The following LRRTM3 variants were observed in gnomAD, a reference collection of about 807,000 sequenced individuals.
LRRTM3 encodes leucine rich repeat transmembrane neuronal 3.
A neutral mutation model predicts 44.7 loss-of-function variants in LRRTM3; 24 were observed. The ratio of observed to expected loss-of-function variants is 0.54; its 90% CI spans 0.39 to 0.76. The LOEUF (loss-of-function observed/expected upper bound fraction) is 0.76, where lower values mean the gene tolerates loss of function less well. Among genes scored for constraint, LRRTM3 ranks in the 30% least tolerant of loss-of-function variants. LRRTM3 has a pLI of 0.00. For synonymous variants in LRRTM3, 277 were observed against 278.7 expected (o/e 0.99, Z 0.06); for missense variants, 587 against 702.2 (o/e 0.84, Z 1.85).
At chr10:66,964,842 G>A (rs1849314074) in intron 2 of LRRTM3, among the ~76,000 whole-genome samples, 1 of 152,078 alleles carries the variant, frequency 6.6e-6, no homozygotes. Context: ...GAGCTTCATC[G>A]CTCACAGAAA....
intron 2 of LRRTM3, among the ~76,000 whole-genome samples, chr10:67,070,998 T>C (rs1469601973): frequency 1.3e-5 from 2 of 152,204 alleles, no homozygotes; most frequent in Non-Finnish European, 1.5e-5. Flanking sequence ...GTTGGTTCTA[T>C]ATAATTATTA....
intron 2 of LRRTM3, among the ~76,000 whole-genome samples, chr10:66,945,495 G>A (rs1484815531): frequency 1.3e-5 from 2 of 152,120 alleles, no homozygotes; most frequent in African/African-American, 4.8e-5. Flanking sequence ...GAATGTTGTG[G>A]ATGGTTTGAT....
chr10:67,072,142 T>C (rs796724653), intron 2 of LRRTM3, among the ~76,000 whole-genome samples: 1 of 152,064 alleles, frequency 6.6e-6, no homozygotes, highest in Middle Eastern at 3.2e-3. Context: ...TTAGTAGAGA[T>C]GGCTTTTTGC....
chr10:67,079,709 G>A lies in LRRTM3; in HGVS notation c.1537-17878G>A, dbSNP rs191436424. Among the ~76,000 whole-genome samples, 11 of 152,106 alleles carry A rather than the reference G, an allele frequency of 7.2e-5. No homozygotes were observed. The East Asian group carries it at 1.2e-3, about 16-fold the overall frequency. The stretch of plus-strand genomic sequence containing the variant: ...CTAAAAATGCAAAAACTAGCCAGGC[G>A]TGGTGGCGGGCACCTGTAATCCCAG... On this transcript the variant is annotated intron_variant, in intron 2 of 2. Coordinates refer to ENST00000361320, the MANE Select transcript of LRRTM3 (RefSeq NM_178011.5).
chr10:66,941,117 G>A (rs1847973315), intron 2 of LRRTM3, among the ~76,000 whole-genome samples: 1 of 152,164 alleles, frequency 6.6e-6, no homozygotes. Flanking sequence ...ACTTTACAAG[G>A]CAGACAGCTA....
At chr10:66,934,349 A>G (rs927564874) in intron 2 of LRRTM3, among the ~76,000 whole-genome samples, 3 of 152,024 alleles carry the variant, frequency 2.0e-5, no homozygotes, top group Non-Finnish European at 4.4e-5. Flanking sequence ...TGTTCTCCTT[A>G]TTTGAAAGAG....
At chr10:67,001,103 C>A (rs1205596190) in intron 2 of LRRTM3, among the ~76,000 whole-genome samples, 1 of 151,652 alleles carries the variant, frequency 6.6e-6, no homozygotes, top group Non-Finnish European at 1.5e-5. Flanking sequence ...GAGATCGAGA[C>A]CATCCTGGCC....
chr10:67,072,120 T>A, intron 2 of LRRTM3, among the ~76,000 whole-genome samples: 1 of 152,044 alleles, frequency 6.6e-6, no homozygotes, highest in Non-Finnish European at 1.5e-5. Context: ...GCCCAGCTAA[T>A]TTTTTGTATT....
rs116404237 is a variant in LRRTM3 at position 66,983,140 on chromosome 10, T to A, written c.1536+54688T>A. Among the ~76,000 whole-genome samples the A allele has an allele frequency of 9.7e-3, 1,480 of 152,296 alleles. 34 individuals are homozygous for A. The highest frequency in any genetic ancestry group is 0.034 in the African/African-American group (1,405 of 41,560). ...AAAGTCAGCAGGACTTAAAAACTAA[T>A]GAGCAAATTTTTTTATTATTATTTT... On this transcript the variant is annotated intron_variant, in intron 2 of 2. Transcript: ENST00000361320.
chr10:66,941,103 A>T (rs1414414866), intron 2 of LRRTM3, among the ~76,000 whole-genome samples: 3 of 152,220 alleles, frequency 2.0e-5, no homozygotes, highest in Non-Finnish European at 2.9e-5. Context: ...TTATCCAGGG[A>T]GGTACTTTAC....
At chr10:66,969,263 T>C (rs918326746) in intron 2 of LRRTM3, among the ~76,000 whole-genome samples, 8 of 152,120 alleles carry the variant, frequency 5.3e-5, no homozygotes, top group African/African-American at 1.9e-4. Flanking sequence ...TGTGAAATGA[T>C]ACTGTATATC....
chr10:66,941,598 G>A (rs574667180), intron 2 of LRRTM3, among the ~76,000 whole-genome samples: 1 of 152,110 alleles, frequency 6.6e-6, no homozygotes, highest in Non-Finnish European at 1.5e-5. Context: ...GGCCATAAAA[G>A]CTATTTGTCA....
intron 2 of LRRTM3, among the ~76,000 whole-genome samples, chr10:67,062,050 G>T (rs560139087): frequency 6.6e-6 from 1 of 152,198 alleles, no homozygotes; most frequent in African/African-American, 2.4e-5. Flanking sequence ...AGAACAGATA[G>T]GAAGGGGAGG....
At chr10:67,007,529 C>T (rs1428568183) in intron 2 of LRRTM3, among the ~76,000 whole-genome samples, 1 of 151,722 alleles carries the variant, frequency 6.6e-6, no homozygotes, top group Admixed American at 6.6e-5. Context: ...GCCACTGAAA[C>T]TTTAATTAGG....
intron 1 of LRRTM3, 41 bp downstream of exon 1, chr10:66,926,628 A>G: frequency 3.7e-6 from 6 of 1,606,578 alleles, no homozygotes; most frequent in Non-Finnish European, 5.1e-6. Flanking sequence ...TTAAAAACAA[A>G]AAACAAAAAA....
At chr10:67,052,187 G>A (rs1855141252) in intron 2 of LRRTM3, among the ~76,000 whole-genome samples, 1 of 152,032 alleles carries the variant, frequency 6.6e-6, no homozygotes. Context: ...CCTTATCTGT[G>A]GTACCAGCCA....
intron 2 of LRRTM3, among the ~76,000 whole-genome samples, chr10:67,092,733 T>G (rs891282169): frequency 6.6e-6 from 1 of 152,008 alleles, no homozygotes; most frequent in Non-Finnish European, 1.5e-5. Context: ...ACCATCTAAC[T>G]TTGTACTTTT....
At chr10:67,044,381 T>C (rs1854597456) in intron 2 of LRRTM3, among the ~76,000 whole-genome samples, 3 of 152,294 alleles carry the variant, frequency 2.0e-5, no homozygotes, top group East Asian at 1.9e-4. Flanking sequence ...CACTATAATA[T>C]GGAAATAGAG....
chr10:66,977,606 A>G (rs1040363745), intron 2 of LRRTM3, among the ~76,000 whole-genome samples: 1 of 152,196 alleles, frequency 6.6e-6, no homozygotes, highest in African/African-American at 2.4e-5. Flanking sequence ...CAGCATTCCT[A>G]TCTAAAGAGC....
Sources: allele counts gnomAD v4.1 joint callset (sites outside exome capture counted in the v4.1 genomes callset), GRCh38; gene constraint gnomAD v4.1.1; transcripts MANE v1.5; gene names NCBI Gene and HGNC (gene_info 2026-07-23, HGNC 2026-07-21).